PID1: variants seen among roughly 807,000 people sequenced by gnomAD.
The protein encoded by PID1 is PTB-containing, cubilin and LRP1-interacting protein.
PID1 carries 10 observed loss-of-function variants against 19.1 expected under a neutral mutation model. That is an observed-to-expected ratio of 0.52 (90% CI 0.32 to 0.89). The LOEUF is 0.89. Ranked by LOEUF, PID1 falls within the 40% of genes least tolerant of loss-of-function variation. PID1 has a pLI of 0.03. For missense variants in PID1, 248 were observed against 285.3 expected, an observed-to-expected ratio of 0.87 and a Z score of 0.94; for synonymous variants, 130 against 116.0, an observed-to-expected ratio of 1.12 and a Z score of -0.78.
intron 2 of PID1, among the ~76,000 whole-genome samples, chr2:229,080,578 G>C (rs1379624674): frequency 6.6e-6 from 1 of 152,128 alleles, no homozygotes; most frequent in Non-Finnish European, 1.5e-5. Flanking sequence ...GCACCAATTA[G>C]AGTTCAGATC....
chr2:229,163,701 T>G (rs542139282), intron 1 of PID1, among the ~76,000 whole-genome samples: 8 of 132,802 alleles, frequency 6.0e-5, no homozygotes, highest in African/African-American at 2.1e-4. Flanking sequence ...GTGTGTATAC[T>G]CACTAATTCA....
chr2:229,238,672 T>G (rs908952676), intron 1 of PID1, among the ~76,000 whole-genome samples: 3 of 152,040 alleles, frequency 2.0e-5, no homozygotes, highest in African/African-American at 7.2e-5. Flanking sequence ...TCACTCCACC[T>G]CTTGCATTTT....
chr2:229,228,982 T>G (rs570998828), intron 1 of PID1, among the ~76,000 whole-genome samples: 3 of 152,252 alleles, frequency 2.0e-5, no homozygotes, highest in African/African-American at 7.2e-5. Context: ...AAGAAATGCC[T>G]TTGAGATATG....
intron 2 of PID1, among the ~76,000 whole-genome samples, chr2:229,084,250 A>T (rs2106213327): frequency 6.6e-6 from 1 of 152,282 alleles, no homozygotes; most frequent in African/African-American, 2.4e-5. Context: ...AAAGGATACA[A>T]GTCTTCTTGC....
intron 2 of PID1, among the ~76,000 whole-genome samples, chr2:229,124,619 A>G (rs1310573587): frequency 1.3e-5 from 2 of 152,186 alleles, no homozygotes; most frequent in Admixed American, 6.5e-5. Context: ...GGATTCAGTA[A>G]CAATGTTTCA....
intron 2 of PID1, among the ~76,000 whole-genome samples, chr2:229,105,173 A>G (rs1349332197): frequency 6.6e-6 from 1 of 152,216 alleles, no homozygotes; most frequent in Non-Finnish European, 1.5e-5. Context: ...CACATAATTT[A>G]TCTCCATTTC....
chr2:229,122,906 A>G (rs1695550382), intron 2 of PID1, among the ~76,000 whole-genome samples: 1 of 152,180 alleles, frequency 6.6e-6, no homozygotes, highest in Non-Finnish European at 1.5e-5. Flanking sequence ...GCTGTACAGC[A>G]TTATAAACTA....
At chr2:229,074,897 A>G (rs1694527136) in intron 2 of PID1, among the ~76,000 whole-genome samples, 1 of 152,198 alleles carries the variant, frequency 6.6e-6, no homozygotes, top group South Asian at 2.1e-4. Context: ...TTCGACCAAT[A>G]TTACATATTT....
intron 2 of PID1, among the ~76,000 whole-genome samples, chr2:229,143,925 G>C (rs1279117866): frequency 2.6e-5 from 4 of 152,080 alleles, no homozygotes; most frequent in Admixed American, 6.6e-5. Flanking sequence ...CCCAGTTTCA[G>C]GTAGTTCCTT....
intron 1 of PID1, among the ~76,000 whole-genome samples, chr2:229,230,659 C>T (rs541627793): frequency 1.3e-5 from 2 of 152,250 alleles, no homozygotes; most frequent in African/African-American, 4.8e-5. Flanking sequence ...CTTTGTAGTA[C>T]CAGCTTGTGA....
At chr2:229,105,950 G>A (rs573204271) in intron 2 of PID1, among the ~76,000 whole-genome samples, 18 of 151,882 alleles carry the variant, frequency 1.2e-4, no homozygotes, top group Non-Finnish European at 2.2e-4. Flanking sequence ...GTGGTGGCGC[G>A]TGCCTGTAGT....
intron 1 of PID1, among the ~76,000 whole-genome samples, chr2:229,175,330 CA>C (rs34485142): frequency 0.44 from 66,526 of 151,900 alleles, 14,845 homozygotes; most frequent in South Asian, 0.52. Flanking sequence ...TGACTATGTT[CA>C]AATACCAAGA....
chr2:229,211,220 G>A (rs1691727170), intron 1 of PID1, among the ~76,000 whole-genome samples: 1 of 152,072 alleles, frequency 6.6e-6, no homozygotes, highest in African/African-American at 2.4e-5. Flanking sequence ...GAGCAAAGGA[G>A]CATTTACTTG....
intron 1 of PID1, among the ~76,000 whole-genome samples, chr2:229,240,740 A>AAGT (rs1433614083): frequency 6.6e-6 from 1 of 152,136 alleles, no homozygotes; most frequent in Non-Finnish European, 1.5e-5. Flanking sequence ...TTCTTGAATC[A>AAGT]AGTTAATATT....
intron 2 of PID1, among the ~76,000 whole-genome samples, chr2:229,126,295 C>T (rs1362259273): frequency 6.6e-6 from 1 of 152,252 alleles, no homozygotes; most frequent in Middle Eastern, 3.4e-3. Context: ...GGAGCCAAGG[C>T]ACTGAGTTTT....
In PID1 at chr2:229,138,999, G is replaced by GAAAGAA. The variant is rs1553565592; in HGVS notation, c.177+16813_177+16818dup. ...AAAATAGAAGAAAGAAAGAAAGAAA[G>GAAAGAA]AAAGAAAGAAAGAAAGAAAGAAAGA... On this transcript the variant is annotated intron_variant, in intron 2 of 2. Coordinates refer to ENST00000392055, the MANE Select transcript of PID1 (RefSeq NM_001100818.2). 1.6e-3 allele frequency among the ~76,000 whole-genome samples: 136 copies of GAAAGAA among 85,008 alleles called. 3 individuals carry two copies. Among genetic ancestry groups the GAAAGAA allele is most frequent in the Non-Finnish European group, 9.2e-4 (37 of 40,296 alleles). The allele number at this position is 85,008 out of a possible 152,430, so 55.8% of individuals were successfully genotyped here. A position where few individuals can be genotyped will look rare whatever the true frequency, so the allele number is the denominator to read the frequency against.
At chr2:229,070,604 G>T (rs923061693) in intron 2 of PID1, among the ~76,000 whole-genome samples, 1 of 152,154 alleles carries the variant, frequency 6.6e-6, no homozygotes, top group Non-Finnish European at 1.5e-5. Flanking sequence ...CCAATGTTGA[G>T]AATGATGATG....
intron 2 of PID1, among the ~76,000 whole-genome samples, chr2:229,155,400 C>A (rs1245052835): frequency 6.6e-6 from 1 of 151,762 alleles, no homozygotes; most frequent in African/African-American, 2.4e-5. Context: ...CCCCGTCTCT[C>A]CTAAAAAGAC....
chr2:229,112,742 C>A (rs764594237), intron 2 of PID1, among the ~76,000 whole-genome samples: 40 of 152,130 alleles, frequency 2.6e-4, no homozygotes, highest in Middle Eastern at 3.2e-3. Context: ...GCCTTGGCCT[C>A]CTAAAGTGCT....
Sources: allele counts gnomAD v4.1 joint callset (sites outside exome capture counted in the v4.1 genomes callset), GRCh38; gene constraint gnomAD v4.1.1; transcripts MANE v1.5; gene names NCBI Gene and HGNC (gene_info 2026-07-23, HGNC 2026-07-21).